Variants in MCM10 observed in about 807,000 individuals in gnomAD.
The protein encoded by MCM10 is protein MCM10 homolog.
Under a neutral mutation model 109.9 loss-of-function variants are expected in MCM10, and 91 were observed. That is an observed-to-expected ratio of 0.83 (90% CI 0.70 to 0.99). The LOEUF (loss-of-function observed/expected upper bound fraction) is 0.99, where lower values mean the gene tolerates loss of function less well. Ranked by LOEUF, MCM10 falls within the 50% of genes least tolerant of loss-of-function variation. MCM10 has a pLI of 0.00. For synonymous variants in MCM10, 380 were observed against 387.2 expected (o/e 0.98, Z 0.22); for missense variants, 1,077 against 1,061.2 (o/e 1.01, Z -0.21).
Position 13,175,652 on chromosome 10 carries a change from T to C in MCM10, c.735T>C (p.Cys245=), listed in dbSNP as rs1055151308. 9 of 1,610,884 alleles carry C rather than the reference T, an allele frequency of 5.6e-6. No individual in the cohort carries two copies. The African/African-American group carries it at 1.1e-4, about 19-fold the overall frequency. The change falls in exon 6 of 20, where the codon TGT becomes TGC. Residue 245 remains cysteine (C), a synonymous_variant. Coordinates refer to ENST00000378714, the MANE Select transcript of MCM10 (RefSeq NM_018518.5). The part of the protein sequence containing the change: ...GSSGETTQPI[C]VEAFSGLRLR... ...CTGGGGAAACGACTCAACCCATCTG[T>C]GTGGAAGCCTTCTCTGGTCTGCGGC...
At position 13,166,230 on chromosome 10, in the gene MCM10, T is replaced by A. The variant is rs148877544; in HGVS notation, c.7+2021T>A. On this transcript the variant is annotated intron_variant, in intron 2 of 19. Transcript: ENST00000378714. Reference sequence around the variant, plus strand: ...CAATGTAAGAATGTAAGTGGAAGAATTGGCTGTGAATAGCACTAGATACTT... The same window carrying A: ...CAATGTAAGAATGTAAGTGGAAGAAATGGCTGTGAATAGCACTAGATACTT... Among the ~76,000 whole-genome samples the A allele has an allele frequency of 1.7e-4, 26 of 152,146 alleles. 1 individual carries two copies. Among genetic ancestry groups the A allele is most frequent in the African/African-American group, 6.3e-4 (26 of 41,446 alleles).
At chr10:13,163,500 A>T (rs1222116685) in intron 1 of MCM10, among the ~76,000 whole-genome samples, 2 of 152,228 alleles carry the variant, frequency 1.3e-5, no homozygotes, top group Non-Finnish European at 2.9e-5. Flanking sequence ...AAGTGATACA[A>T]CTTTGTCTTA....
chr10:13,200,785 T>C (rs10906320), intron 16 of MCM10, among the ~76,000 whole-genome samples: 40,562 of 152,250 alleles, frequency 0.27, 5,688 homozygotes, highest in South Asian at 0.4. Context: ...TAACTGCCTT[T>C]GGGCACACAC....
chr10:13,175,441 A>G (rs1366758774), intron 5 of MCM10, 69 bp from the exon 6 acceptor site: 3 of 1,381,066 alleles, frequency 2.2e-6, no homozygotes, highest in Non-Finnish European at 3.1e-6. Flanking sequence ...ATCCGTAAAA[A>G]CAAATTTCCA....
intron 16 of MCM10, among the ~76,000 whole-genome samples, chr10:13,200,119 A>G (rs1450885654): frequency 6.6e-6 from 1 of 151,922 alleles, no homozygotes; most frequent in Non-Finnish European, 1.5e-5. Flanking sequence ...GCGCATCACC[A>G]TGACTGGCTA....
chr10:13,194,110 T>A (rs934242203), intron 13 of MCM10, among the ~76,000 whole-genome samples: 2 of 152,192 alleles, frequency 1.3e-5, no homozygotes, highest in African/African-American at 4.8e-5. Flanking sequence ...ATGTCTGTAA[T>A]CCTAGCACTT....
At chr10:13,168,333 A>G (rs1834028932) in intron 2 of MCM10, among the ~76,000 whole-genome samples, 1 of 152,198 alleles carries the variant, frequency 6.6e-6, no homozygotes, top group Non-Finnish European at 1.5e-5. Flanking sequence ...AGGCCCCATC[A>G]TCAGATTCTA....
chr10:13,190,538 A>C (rs7392793), intron 10 of MCM10, among the ~76,000 whole-genome samples: 42,427 of 151,920 alleles, frequency 0.28, 6,228 homozygotes, highest in East Asian at 0.41. Context: ...AAAAAAAATT[A>C]GCTGGGCATG....
chr10:13,180,323 C>A, intron 6 of MCM10, 119 bp from the exon 7 acceptor site: 1 of 690,602 alleles, frequency 1.4e-6, no homozygotes, highest in Non-Finnish European at 2.3e-6. Flanking sequence ...TATAACTAAG[C>A]TTCCCAAGAA....
chr10:13,171,146 T>G lies in MCM10; in HGVS notation c.232T>G (p.Phe78Val). The G allele has an allele frequency of 6.2e-7, 1 of 1,614,206 alleles. No individual in the cohort carries two copies. ...RDEKENLATL[F>V]GDMEDLTDEE... ...CGAAAAGGAAAATCTGGCCACTCTC[T>G]TTGGAGATATGGAGGACTTAACAGA... Residue 78 changes from phenylalanine (F) to valine (V), a missense_variant, in exon 3 of 20, where the codon TTT becomes GTT. By Grantham distance (50) the Phe-to-Val change is conservative. Transcript: ENST00000378714.
Position 13,164,148 on chromosome 10 carries a change from T to G in MCM10, c.-55T>G. 10 of 1,517,244 alleles carry G rather than the reference T, an allele frequency of 6.6e-6. No individual in the cohort carries two copies. Among genetic ancestry groups the G allele is most frequent in the Non-Finnish European group, 8.0e-6 (9 of 1,125,370 alleles). The allele number at this position is 1,517,244 out of a possible 1,614,324, so 94.0% of individuals were successfully genotyped here. The stretch of plus-strand genomic sequence containing the variant: ...CACAGCCAAGATTCTACATTGCTCA[T>G]CTGGGCATCTGAGCCTCCTTCGAAG... On this transcript the variant is annotated 5_prime_UTR_variant, in exon 2 of 20. Coordinates refer to ENST00000378714, the MANE Select transcript of MCM10 (RefSeq NM_018518.5).
Position 13,198,699 on chromosome 10 carries a change from A to G in MCM10, c.2130A>G (p.Glu710=), listed in dbSNP as rs1834455586. ...TTCCTTGTGCCCTAGCTGAGGATGA[A>G]TTGGAGCCTGCCAGGAAAAAAAGGA... ...NTMFSSQAED[E]LEPARKKRRE... The change falls in exon 16 of 20, where the codon GAA becomes GAG. Residue 710 remains glutamate, a synonymous_variant. Coordinates refer to ENST00000378714, the MANE Select transcript of MCM10 (RefSeq NM_018518.5). 6.2e-7 allele frequency: 1 copy of G among 1,611,744 alleles called. No homozygotes were observed. The highest frequency in any genetic ancestry group is 8.5e-7 in the Non-Finnish European group (1 of 1,178,088).
chr10:13,193,982 A>G (rs1458399471), intron 13 of MCM10, among the ~76,000 whole-genome samples: 1 of 152,084 alleles, frequency 6.6e-6, no homozygotes, highest in Non-Finnish European at 1.5e-5. Context: ...GGCCCTTGTG[A>G]GTAATGTGAT....
At chr10:13,171,384 A>G in intron 3 of MCM10, 121 bp downstream of exon 3, 1 of 946,740 alleles carries the variant, frequency 1.1e-6, no homozygotes, top group Non-Finnish European at 1.5e-6. Context: ...TTTGTAAAAA[A>G]AGAAAAAAAG....
rs981595542 is a variant in MCM10, at chr10:13,198,502, C to T, written c.2120-187C>T. ...TTTAGTGGTAAAATCTGCCACCACC[C>T]CACATTCTAGGCTCAGCTTCTTGGC... On this transcript the variant is annotated intron_variant, in intron 15 of 19. Coordinates refer to ENST00000378714, the MANE Select transcript of MCM10 (RefSeq NM_018518.5). 2.6e-5 allele frequency among the ~76,000 whole-genome samples: 4 copies of T among 152,266 alleles called. No homozygotes were observed. The East Asian group carries it at 7.7e-4, about 29-fold the overall frequency.
chr10:13,167,189 C>G (rs1199270261), intron 2 of MCM10, among the ~76,000 whole-genome samples: 2 of 152,192 alleles, frequency 1.3e-5, no homozygotes, highest in Admixed American at 6.5e-5. Context: ...GCGAGTCTTT[C>G]TCCAGGACCA....
Position 13,198,800 on chromosome 10 carries a change from T to C in MCM10, c.2231T>C (p.Leu744Pro). Reference protein sequence around the residue: ...LKAKSKHTGILKEAEAEMQER... With the variant: ...LKAKSKHTGIPKEAEAEMQER... ...GCAAAATCAAAACACACAGGCATCCTGAAAGAGGTAAGAGCCCAAAAGCTC... is the reference window on the plus strand; with the variant it reads ...GCAAAATCAAAACACACAGGCATCCCGAAAGAGGTAAGAGCCCAAAAGCTC... The change falls in exon 16 of 20, where the codon CTG becomes CCG. Residue 744 changes from leucine to proline, a missense_variant. Leu to Pro is a moderately conservative substitution (Grantham distance 98, BLOSUM62 -3). Transcript: ENST00000378714. The C allele has an allele frequency of 6.2e-7, 1 of 1,609,032 alleles. No homozygotes were observed. Among genetic ancestry groups the C allele is most frequent in the Non-Finnish European group, 8.5e-7 (1 of 1,176,768 alleles).
intron 9 of MCM10, among the ~76,000 whole-genome samples, chr10:13,188,350 A>C (rs192767134): frequency 1.3e-5 from 2 of 152,280 alleles, no homozygotes; most frequent in Admixed American, 1.3e-4. Context: ...AATCATTTTA[A>C]AATACATATA....
intron 6 of MCM10, among the ~76,000 whole-genome samples, chr10:13,175,988 A>G (rs1435094287): frequency 2.0e-5 from 3 of 152,232 alleles, no homozygotes; most frequent in African/African-American, 7.2e-5. Flanking sequence ...AGATTTTTAA[A>G]ATTTTTCTCC....
Sources: allele counts gnomAD v4.1 joint callset (sites outside exome capture counted in the v4.1 genomes callset), GRCh38; gene constraint gnomAD v4.1.1; transcripts MANE v1.5; gene names NCBI Gene and HGNC (gene_info 2026-07-23, HGNC 2026-07-21).